The following UACA variants were observed in gnomAD, a reference collection of about 807,000 sequenced individuals.
The protein encoded by UACA is uveal autoantigen with coiled-coil domains and ankyrin repeats.
A neutral mutation model predicts 160.5 loss-of-function variants in UACA; 112 were observed. The ratio of observed to expected loss-of-function variants is 0.70; its 90% CI spans 0.60 to 0.82. The LOEUF (loss-of-function observed/expected upper bound fraction) is 0.82, where lower values mean the gene tolerates loss of function less well. Ranked by LOEUF, UACA falls within the 40% of genes least tolerant of loss-of-function variation. UACA has a pLI of 0.00. For synonymous variants in UACA, 557 were observed against 568.4 expected (o/e 0.98, Z 0.29); for missense variants, 1,574 against 1,614.6 (o/e 0.97, Z 0.43).
At chr15:70,682,920 C>A in intron 8 of UACA, 125 bp from the exon 9 acceptor site, 1 of 515,888 alleles carries the variant, frequency 1.9e-6, no homozygotes, top group Non-Finnish European at 3.2e-6. Context: ...CTAAAGCTTA[C>A]AACTTTTTAG....
At chr15:70,751,301 T>A (rs1053191004) in intron 1 of UACA, among the ~76,000 whole-genome samples, 3 of 152,164 alleles carry the variant, frequency 2.0e-5, no homozygotes, top group African/African-American at 7.2e-5. Flanking sequence ...GAGATACCAC[T>A]TATCTCCCTC....
At chr15:70,702,112 G>A (rs1195664560) in intron 1 of UACA, 10 of 1,325,456 alleles carry the variant, frequency 7.5e-6, no homozygotes, top group African/African-American at 1.5e-5. Context: ...CATAACGCTC[G>A]AATATTATCT....
chr15:70,725,599 A>T (rs1595911919), intron 1 of UACA, among the ~76,000 whole-genome samples: 2 of 152,350 alleles, frequency 1.3e-5, no homozygotes, highest in Non-Finnish European at 2.9e-5. Flanking sequence ...AACCTTAAGG[A>T]GGACCTCTCA....
intron 10 of UACA, 107 bp downstream of exon 10, chr15:70,679,501 G>GCCCCACTCATTTCA (rs1488693510): frequency 1.3e-5 from 8 of 617,218 alleles, no homozygotes; most frequent in Non-Finnish European, 2.1e-5. Flanking sequence ...CCCTTTCTTT[G>GCCCCACTCATTTCA]CCCCACTCAT....
chr15:70,672,479 A>C (rs984136460), intron 13 of UACA, among the ~76,000 whole-genome samples: 2 of 152,084 alleles, frequency 1.3e-5, no homozygotes, highest in African/African-American at 2.4e-5. Flanking sequence ...TGAAAGTAAA[A>C]AGAGAGAGAG....
chr15:70,744,953 C>T (rs1019537284), intron 1 of UACA, among the ~76,000 whole-genome samples: 1 of 152,144 alleles, frequency 6.6e-6, no homozygotes, highest in Non-Finnish European at 1.5e-5. Flanking sequence ...CCATCAAATA[C>T]ACAAGTGTAA....
intron 15 of UACA, among the ~76,000 whole-genome samples, chr15:70,669,713 G>A (rs963215696): frequency 6.6e-6 from 1 of 152,144 alleles, no homozygotes; most frequent in Non-Finnish European, 1.5e-5. Flanking sequence ...GCAGAACAAC[G>A]GACAATGGCC....
chr15:70,764,956 A>C (rs1249523237), upstream of UACA, among the ~76,000 whole-genome samples: 1 of 152,128 alleles, frequency 6.6e-6, no homozygotes, highest in Non-Finnish European at 1.5e-5. Flanking sequence ...CAGTCTCTTA[A>C]TTGTCCCATC....
chr15:70,672,621 C>T (rs1472140748), intron 13 of UACA, among the ~76,000 whole-genome samples: 1 of 152,030 alleles, frequency 6.6e-6, no homozygotes, highest in Non-Finnish European at 1.5e-5. Flanking sequence ...CCAAGTAAGC[C>T]AAATACAAAG....
chr15:70,719,670 G>A (rs1034608799), intron 1 of UACA, among the ~76,000 whole-genome samples: 1 of 152,126 alleles, frequency 6.6e-6, no homozygotes. Context: ...GTTGAGAAAG[G>A]TGTTCAACCC....
In UACA at chr15:70,738,038, A is replaced by G. The variant is rs890869610; in HGVS notation, c.78+25292T>C. ...ACTTCCCATTAATGTTTTGAGGGGAAGATGAATTTTTAAATAGACCCATAA... is the reference window on the plus strand; with the variant it reads ...ACTTCCCATTAATGTTTTGAGGGGAGGATGAATTTTTAAATAGACCCATAA... On this transcript the variant is annotated intron_variant, in intron 1 of 18. Transcript: ENST00000322954. 5.3e-5 allele frequency among the ~76,000 whole-genome samples: 8 copies of G among 152,234 alleles called. 1 individual carries two copies. Among genetic ancestry groups the G allele is most frequent in the African/African-American group, 1.7e-4 (7 of 41,466 alleles).
In UACA at chr15:70,691,075, G is replaced by A. The variant is rs150565025; in HGVS notation, c.366+224C>T. Among the ~76,000 whole-genome samples, 1,313 of 152,168 alleles carry A rather than the reference G, an allele frequency of 8.6e-3. 11 individuals are homozygous for A. Among genetic ancestry groups the A allele is most frequent in the Admixed American group, 0.012 (184 of 15,282 alleles). Reference sequence around the variant, plus strand: ...TCAGCTATGTCAACAGGAAGGTCAAGCCTTTGTTATTTATTTTTAATACAC... The same window carrying A: ...TCAGCTATGTCAACAGGAAGGTCAAACCTTTGTTATTTATTTTTAATACAC... On this transcript the variant is annotated intron_variant, in intron 4 of 18. Transcript: ENST00000322954.
chr15:70,721,392 G>A (rs1022623720), intron 1 of UACA, among the ~76,000 whole-genome samples: 2 of 152,180 alleles, frequency 1.3e-5, no homozygotes, highest in Non-Finnish European at 2.9e-5. Flanking sequence ...CTGGGAGGCC[G>A]AGGTGGGCGG....
At chr15:70,749,279 C>T in intron 1 of UACA, 1 of 403,862 alleles carries the variant, frequency 2.5e-6, no homozygotes, top group South Asian at 1.8e-5. Flanking sequence ...GTAATCCCAG[C>T]ACTTTGGGAG....
intron 1 of UACA, among the ~76,000 whole-genome samples, chr15:70,749,738 T>C (rs2029925016): frequency 6.7e-6 from 1 of 148,890 alleles, no homozygotes; most frequent in Non-Finnish European, 1.5e-5. Flanking sequence ...GAAAACAAAT[T>C]AGCTACCTGC....
At chr15:70,777,925 C>T in the UACA span, among the ~76,000 whole-genome samples, 1 of 152,214 alleles carries the variant, frequency 6.6e-6, no homozygotes, top group African/African-American at 2.4e-5. Flanking sequence ...TACAGGTACA[C>T]ACCCCAACTT....
At position 70,667,817 on chromosome 15, in the gene UACA, C is replaced by A. The variant is rs770270564; in HGVS notation, c.2867G>T (p.Gly956Val). ...ATGCAGTGTCACAATCTCTTCTTGG[C>A]CTTTTCTGTAGTTGGCCAAGATTTC... ...NAEILANYRK[G>V]QEEIVTLHAE... Residue 956 changes from glycine to valine, a missense_variant, in exon 16 of 19, where the codon GGC becomes GTC. Transcript: ENST00000322954. 1.9e-6 allele frequency: 3 copies of A among 1,613,946 alleles called. No homozygotes were observed. Among genetic ancestry groups the A allele is most frequent in the Non-Finnish European group, 2.5e-6 (3 of 1,179,982 alleles).
At chr15:70,721,029 T>C (rs1400555453) in intron 1 of UACA, among the ~76,000 whole-genome samples, 1 of 152,180 alleles carries the variant, frequency 6.6e-6, no homozygotes, top group Non-Finnish European at 1.5e-5. Context: ...AAAGCCTACA[T>C]GTGCCATAAT....
intron 1 of UACA, 118 bp from the exon 2 acceptor site, chr15:70,699,778 T>C: frequency 8.6e-7 from 1 of 1,157,930 alleles, no homozygotes. Context: ...TATTTTCCAG[T>C]TGCATTCCAA....
Sources: gnomAD v4.1 joint callset for allele counts (sites outside exome capture counted in the v4.1 genomes callset) on GRCh38, gnomAD v4.1.1 for gene constraint, MANE v1.5 for transcripts, NCBI Gene and HGNC (gene_info 2026-07-23, HGNC 2026-07-21) for gene names.